Variants in SGCD observed in about 807,000 individuals in gnomAD.
SGCD encodes delta-sarcoglycan.
SGCD carries 18 observed loss-of-function variants against 36.6 expected under a neutral mutation model. That is an observed-to-expected ratio of 0.49 (90% CI 0.34 to 0.73). SGCD has a LOEUF of 0.73. Among genes scored for constraint, SGCD ranks in the 30% least tolerant of loss-of-function variants. The pLI is 0.01. For missense variants in SGCD, 387 were observed against 346.7 expected, an observed-to-expected ratio of 1.12 and a Z score of -0.92; for synonymous variants, 133 against 130.6, an observed-to-expected ratio of 1.02 and a Z score of -0.12.
intron 3 of SGCD, among the ~76,000 whole-genome samples, chr5:156,495,815 T>C (rs531719614): frequency 8.5e-5 from 13 of 152,334 alleles, no homozygotes; most frequent in African/African-American, 2.6e-4. Context: ...GGACAGGGAA[T>C]GTAGCAACTT....
intron 2 of SGCD, among the ~76,000 whole-genome samples, chr5:156,333,641 A>T (rs1389153975): frequency 6.6e-6 from 1 of 152,134 alleles, no homozygotes; most frequent in African/African-American, 2.4e-5. Flanking sequence ...TCATTGGCTC[A>T]ACTGTAAAAT....
chr5:156,395,694 A>G (rs953087532), intron 3 of SGCD, among the ~76,000 whole-genome samples: 1 of 152,198 alleles, frequency 6.6e-6, no homozygotes, highest in Non-Finnish European at 1.5e-5. Context: ...CAACATTTGC[A>G]GAGAGGAAAA....
chr5:156,540,204 A>G (rs775713505), intron 4 of SGCD, among the ~76,000 whole-genome samples: 2 of 152,152 alleles, frequency 1.3e-5, no homozygotes, highest in African/African-American at 4.8e-5. Flanking sequence ...TTCAAACTCA[A>G]TATGGCTCTA....
At chr5:156,422,229 C>T (rs1773342820) in intron 3 of SGCD, among the ~76,000 whole-genome samples, 1 of 152,014 alleles carries the variant, frequency 6.6e-6, no homozygotes, top group African/African-American at 2.4e-5. Flanking sequence ...AAGGCAAAAC[C>T]AAAATGTCCA....
chr5:156,142,911 T>C (rs570334661), intron 3 of SGCD, among the ~76,000 whole-genome samples: 17 of 152,246 alleles, frequency 1.1e-4, no homozygotes, highest in African/African-American at 3.9e-4. Flanking sequence ...GGAGAATAAT[T>C]CAAATAGGCT....
chr5:156,516,538 G>A (rs534843815), intron 4 of SGCD, among the ~76,000 whole-genome samples: 1 of 152,304 alleles, frequency 6.6e-6, no homozygotes, highest in African/African-American at 2.4e-5. Flanking sequence ...AACAAAGGTA[G>A]ATAAGCTCAC....
chr5:155,941,001 T>A (rs1381906193), intron 1 of SGCD, among the ~76,000 whole-genome samples: 5 of 148,032 alleles, frequency 3.4e-5, no homozygotes, highest in African/African-American at 5.0e-5. Flanking sequence ...AGAAGAGACA[T>A]TTTTTTTTTG....
rs1468329193 is a variant in SGCD at position 156,054,891 on chromosome 5, G to T, written c.-281-62987G>T. 1.4e-5 allele frequency among the ~76,000 whole-genome samples: 2 copies of T among 146,566 alleles called. 1 individual carries two copies. Among genetic ancestry groups the T allele is most frequent in the Non-Finnish European group, 3.1e-5 (2 of 65,038 alleles). On this transcript the variant is annotated intron_variant, in intron 1 of 9. Transcript: ENST00000517913. ...AAACTCAAAATGGAGAGCTGGGCTT[G>T]ATTCTTTCACCTCAAATATAGTTGA...
chr5:156,610,013 G>A (rs1011188958), intron 6 of SGCD, among the ~76,000 whole-genome samples: 1 of 152,174 alleles, frequency 6.6e-6, no homozygotes, highest in Non-Finnish European at 1.5e-5. Flanking sequence ...GCTCAGAGTA[G>A]TTTGATCATC....
intron 3 of SGCD, among the ~76,000 whole-genome samples, chr5:156,435,722 G>A (rs531059005): frequency 9.2e-4 from 140 of 152,158 alleles, no homozygotes; most frequent in African/African-American, 3.3e-3. Flanking sequence ...ATATGCATGG[G>A]CTACTAACTG....
the SGCD span, among the ~76,000 whole-genome samples, chr5:155,753,732 G>C: frequency 0.27 from 41,766 of 151,916 alleles, 7,307 homozygotes; most frequent in East Asian, 0.42. Context: ...AGTTTCCCTT[G>C]TGAACTCAGT....
chr5:155,964,290 T>A (rs565194773), intron 1 of SGCD, among the ~76,000 whole-genome samples: 1 of 152,252 alleles, frequency 6.6e-6, no homozygotes, highest in African/African-American at 2.4e-5. Context: ...TATACTCTAA[T>A]GTATTATTTT....
intron 3 of SGCD, among the ~76,000 whole-genome samples, chr5:156,220,450 A>G (rs925160960): frequency 6.6e-6 from 1 of 152,158 alleles, no homozygotes. Flanking sequence ...TAGGCATGAA[A>G]TTACTTATTG....
chr5:156,584,020 C>G (rs1432350330), intron 4 of SGCD, among the ~76,000 whole-genome samples: 4 of 152,144 alleles, frequency 2.6e-5, no homozygotes, highest in African/African-American at 7.2e-5. Flanking sequence ...GAAAGGATTT[C>G]TTTGTGAAAT....
At chr5:156,757,142 C>T (rs1757364998) in intron 7 of SGCD, among the ~76,000 whole-genome samples, 1 of 151,726 alleles carries the variant, frequency 6.6e-6, no homozygotes, top group Admixed American at 6.6e-5. Context: ...GACTCCTAGA[C>T]CCATTTTTTT....
chr5:156,695,486 TA>T (rs1754275459), intron 7 of SGCD, among the ~76,000 whole-genome samples: 4 of 127,768 alleles, frequency 3.1e-5, no homozygotes, highest in African/African-American at 1.5e-4. Flanking sequence ...CCTCTCTCGA[TA>T]GATAGATAGA....
the SGCD span, among the ~76,000 whole-genome samples, chr5:155,730,556 ATTT>A: frequency 6.6e-6 from 1 of 151,436 alleles, no homozygotes; most frequent in Non-Finnish European, 1.5e-5. Flanking sequence ...TAGATTTTGT[ATTT>A]TTAGGAGGTT....
intron 1 of SGCD, among the ~76,000 whole-genome samples, chr5:155,932,784 G>A (rs1038166383): frequency 1.3e-5 from 2 of 151,788 alleles, no homozygotes; most frequent in Non-Finnish European, 2.9e-5. Flanking sequence ...TTATCAGATG[G>A]GTCTACAACA....
chr5:156,579,181 T>C (rs907632934), intron 4 of SGCD, among the ~76,000 whole-genome samples: 2 of 152,222 alleles, frequency 1.3e-5, no homozygotes, highest in Non-Finnish European at 2.9e-5. Context: ...CCAGTAGTCA[T>C]TCAGGAGCAG....
Sources: gnomAD v4.1 joint callset for allele counts (sites outside exome capture counted in the v4.1 genomes callset) on GRCh38, gnomAD v4.1.1 for gene constraint, MANE v1.5 for transcripts, NCBI Gene and HGNC (gene_info 2026-07-23, HGNC 2026-07-21) for gene names.